Variants in SNX25 observed in about 807,000 individuals in gnomAD.
The protein encoded by SNX25 is sorting nexin-25.
A neutral mutation model predicts 113.7 loss-of-function variants in SNX25; 62 were observed. That is an observed-to-expected ratio of 0.55 (90% CI 0.44 to 0.67). SNX25 has a LOEUF of 0.67. SNX25 is among the 30% of genes least tolerant of loss of function. The pLI, the probability that SNX25 is intolerant of heterozygous loss-of-function variation, is 0.00. For synonymous variants in SNX25, 421 were observed against 436.2 expected (o/e 0.97, Z 0.43); for missense variants, 1,014 against 1,161.0 (o/e 0.87, Z 1.84).
chr4:185,204,867 T>C (rs1390095319), upstream of SNX25, among the ~76,000 whole-genome samples: 1 of 152,218 alleles, frequency 6.6e-6, no homozygotes, highest in Non-Finnish European at 1.5e-5. Flanking sequence ...AGGAAGGAAC[T>C]AGAGCCTGCA....
At chr4:185,337,070 T>C (rs1008967200) in intron 10 of SNX25, among the ~76,000 whole-genome samples, 1 of 152,350 alleles carries the variant, frequency 6.6e-6, no homozygotes, top group Non-Finnish European at 1.5e-5. Context: ...TAGTCCTTTG[T>C]TGGATGTATA....
intron 1 of SNX25, among the ~76,000 whole-genome samples, chr4:185,211,814 G>T (rs968740258): frequency 6.6e-6 from 1 of 152,158 alleles, no homozygotes; most frequent in African/African-American, 2.4e-5. Context: ...CAAAGTCCTG[G>T]TATTGCAGAC....
At chr4:185,292,433 T>A (rs1752308586) in intron 6 of SNX25, among the ~76,000 whole-genome samples, 1 of 152,148 alleles carries the variant, frequency 6.6e-6, no homozygotes, top group Admixed American at 6.5e-5. Context: ...AGTTTCGCTC[T>A]TGTCACCCGG....
At chr4:185,213,262 G>T (rs530335828) in intron 1 of SNX25, among the ~76,000 whole-genome samples, 2 of 124,658 alleles carry the variant, frequency 1.6e-5, no homozygotes, top group Non-Finnish European at 3.5e-5. Flanking sequence ...CCTTCCAATT[G>T]AGCTTGTACC....
intron 1 of SNX25, among the ~76,000 whole-genome samples, chr4:185,216,327 C>T (rs532696448): frequency 5.9e-5 from 9 of 152,012 alleles, no homozygotes; most frequent in Non-Finnish European, 1.3e-4. Context: ...ACAGTGATTA[C>T]ACATAAAGGA....
intron 2 of SNX25, among the ~76,000 whole-genome samples, chr4:185,247,918 GA>G (rs564273194): frequency 7.4e-4 from 112 of 152,228 alleles, no homozygotes; most frequent in Non-Finnish European, 1.0e-3. Context: ...AATATATTTT[GA>G]ACATCAAATT....
intron 1 of SNX25, among the ~76,000 whole-genome samples, chr4:185,227,874 A>C (rs562313149): frequency 4.6e-5 from 7 of 152,294 alleles, no homozygotes; most frequent in African/African-American, 1.7e-4. Context: ...GAGACTGCCG[A>C]GAGCAGTAGG....
intron 1 of SNX25, among the ~76,000 whole-genome samples, chr4:185,216,768 G>T (rs1327000558): frequency 1.3e-5 from 2 of 151,974 alleles, no homozygotes; most frequent in African/African-American, 4.8e-5. Flanking sequence ...TGATCCACCC[G>T]CCTTGGCCTC....
At chr4:185,351,971 G>A (rs983021112) in intron 14 of SNX25, among the ~76,000 whole-genome samples, 14 of 152,156 alleles carry the variant, frequency 9.2e-5, no homozygotes, top group Admixed American at 2.6e-4. Context: ...ACAGGCCGGA[G>A]GTCGTTGGCC....
At chr4:185,349,538 CA>C (rs2095305236) in intron 13 of SNX25, among the ~76,000 whole-genome samples, 1 of 152,208 alleles carries the variant, frequency 6.6e-6, no homozygotes. Flanking sequence ...CAACAGTGTA[CA>C]AGGGTTCCCT....
chr4:185,308,133 A>C (rs1185135838), intron 6 of SNX25, among the ~76,000 whole-genome samples: 1 of 152,220 alleles, frequency 6.6e-6, no homozygotes, highest in Non-Finnish European at 1.5e-5. Context: ...CACTTAAAAC[A>C]AAAACATGCC....
intron 11 of SNX25, among the ~76,000 whole-genome samples, chr4:185,340,699 A>G (rs1226623021): frequency 1.3e-5 from 2 of 151,890 alleles, no homozygotes; most frequent in Non-Finnish European, 2.9e-5. Flanking sequence ...GACACTTCAC[A>G]GTGTATTAAA....
intron 7 of SNX25, among the ~76,000 whole-genome samples, chr4:185,318,970 T>G (rs767266673): frequency 3.5e-4 from 54 of 152,328 alleles, no homozygotes; most frequent in Middle Eastern, 3.4e-3. Flanking sequence ...TTATCTTATG[T>G]AAAGTACAGA....
intron 1 of SNX25, among the ~76,000 whole-genome samples, chr4:185,215,619 A>G (rs1445355786): frequency 6.6e-6 from 1 of 152,110 alleles, no homozygotes; most frequent in Non-Finnish European, 1.5e-5. Context: ...ATCCTCAGTC[A>G]TTTGATAATG....
chr4:185,259,119 T>TA (rs1373977301), intron 3 of SNX25, 55 bp downstream of exon 3: 27 of 1,482,986 alleles, frequency 1.8e-5, no homozygotes, highest in Non-Finnish European at 2.2e-5. Flanking sequence ...TTTAATTGAG[T>TA]AAAAGGTCAA....
chr4:185,322,244 G>A (rs778980543), intron 8 of SNX25, among the ~76,000 whole-genome samples: 4 of 152,082 alleles, frequency 2.6e-5, no homozygotes, highest in Non-Finnish European at 4.4e-5. Context: ...CAGCCTGGCC[G>A]ACATGGTGAA....
chr4:185,345,179 C>T (rs1420536181), intron 12 of SNX25, among the ~76,000 whole-genome samples: 1 of 152,202 alleles, frequency 6.6e-6, no homozygotes, highest in African/African-American at 2.4e-5. Context: ...CTTTCCTCGT[C>T]TGTGGACTGA....
At chr4:185,213,324 C>T (rs1250227057) in intron 1 of SNX25, among the ~76,000 whole-genome samples, 1 of 152,176 alleles carries the variant, frequency 6.6e-6, no homozygotes, top group African/African-American at 2.4e-5. Context: ...ATGAGAATCA[C>T]TGTTGATTAA....
At chr4:185,377,973 C>T in the SNX25 span, 2 of 914,346 alleles carry the variant, frequency 2.2e-6, no homozygotes, top group African/African-American at 1.7e-5. Flanking sequence ...TGATTAACCA[C>T]TTCCTTGAAA....
Sources: gnomAD v4.1 joint callset for allele counts (sites outside exome capture counted in the v4.1 genomes callset) on GRCh38, gnomAD v4.1.1 for gene constraint, MANE v1.5 for transcripts, NCBI Gene and HGNC (gene_info 2026-07-23, HGNC 2026-07-21) for gene names.